The following EVC2 variants were observed in gnomAD, a reference collection of about 807,000 sequenced individuals.
The protein encoded by EVC2 is EvC ciliary complex subunit 2.
In EVC2, 148 loss-of-function variants were observed where a neutral mutation model predicts 149.3. That is an observed-to-expected ratio of 0.99 (90% CI 0.87 to 1.14). The LOEUF is 1.14. Among genes scored for constraint, EVC2 ranks in the 50% most tolerant of loss-of-function variants. The probability of loss-of-function intolerance (pLI) is 0.00; values close to 1 mark genes in which losing one functional copy is unlikely to be tolerated. For synonymous variants in EVC2, 776 were observed against 649.9 expected, an observed-to-expected ratio of 1.19 and a Z score of -2.95; for missense variants, 1,854 against 1,627.3, an observed-to-expected ratio of 1.14 and a Z score of -2.40.
At position 5,580,560 on chromosome 4, in the gene EVC2, T is replaced by G. The variant is rs565244766; in HGVS notation, c.3057+4063A>C. Among the ~76,000 whole-genome samples the G allele has an allele frequency of 3.3e-5, 5 of 152,304 alleles. No individual in the cohort carries two copies. The South Asian group carries it at 1.0e-3, about 32-fold the overall frequency. On this transcript the variant is annotated intron_variant, in intron 17 of 21. Coordinates refer to ENST00000344408, the MANE Select transcript of EVC2 (RefSeq NM_147127.5). ...TGGGCACTTAGGATGAGCAGATGAATCATGCACTGGAGGCTAAATGTTCCT... is the reference window on the plus strand; with the variant it reads ...TGGGCACTTAGGATGAGCAGATGAAGCATGCACTGGAGGCTAAATGTTCCT...
rs1252865581 is a variant in EVC2, at chr4:5,679,152, T to C, written c.870+2108A>G. Among the ~76,000 whole-genome samples, 2 of 151,436 alleles carry C rather than the reference T, an allele frequency of 1.3e-5. No individual in the cohort carries two copies. Among genetic ancestry groups the C allele is most frequent in the African/African-American group, 2.4e-5 (1 of 41,170 alleles). The stretch of plus-strand genomic sequence containing the variant: ...AAGTTGCTCTGGGCCAGTCAGTGAG[T>C]GAGTGGTGAGTGAATGTGAAGGCGT... On this transcript the variant is annotated intron_variant, in intron 7 of 21. Transcript: ENST00000344408. This position sits in a 1 kb window ranked among gnomAD's most constrained non-coding sequence, Gnocchi z 5.1.
At chr4:5,553,019 A>G (rs1420351179) in intron 21 of EVC2, among the ~76,000 whole-genome samples, 1 of 152,136 alleles carries the variant, frequency 6.6e-6, no homozygotes, top group Non-Finnish European at 1.5e-5. Context: ...TGTGATGGAT[A>G]TTGCCGGTAT....
intron 9 of EVC2, among the ~76,000 whole-genome samples, chr4:5,654,970 T>G (rs1198573373): frequency 6.6e-6 from 1 of 152,214 alleles, no homozygotes; most frequent in African/African-American, 2.4e-5. Context: ...TCCCTGCTTT[T>G]CTTGGCTTCC....
chr4:5,537,879 A>G (rs1284254404), downstream of EVC2, among the ~76,000 whole-genome samples: 1 of 152,128 alleles, frequency 6.6e-6, no homozygotes, highest in Non-Finnish European at 1.5e-5. Flanking sequence ...TCAAGAAAAT[A>G]AAAAAAGGAG....
chr4:5,546,856 G>A (rs1721632248), intron 21 of EVC2, among the ~76,000 whole-genome samples: 1 of 152,154 alleles, frequency 6.6e-6, no homozygotes, highest in African/African-American at 2.4e-5. Context: ...CATACTCCAT[G>A]GAGCTGGTGG....
intron 21 of EVC2, among the ~76,000 whole-genome samples, chr4:5,555,922 G>C (rs1159610055): frequency 1.3e-5 from 2 of 152,120 alleles, no homozygotes; most frequent in African/African-American, 2.4e-5. Flanking sequence ...GCTCATTCCT[G>C]TAATCCCAGC....
Position 5,635,616 on chromosome 4 carries a change from G to A in EVC2, c.1471-3584C>T, listed in dbSNP as rs528778318. Among the ~76,000 whole-genome samples the A allele has an allele frequency of 3.9e-5, 6 of 152,320 alleles. No individual in the cohort carries two copies. In the South Asian group the frequency reaches 6.2e-4, roughly 16 times the overall value. Reference sequence around the variant, plus strand: ...AGCATCACAAAGTGAAATCACGCTCGAAAGTGACGACTGTGCTGTCATACT... The same window carrying A: ...AGCATCACAAAGTGAAATCACGCTCAAAAGTGACGACTGTGCTGTCATACT... On this transcript the variant is annotated intron_variant, in intron 10 of 21. Transcript: ENST00000344408.
chr4:5,583,686 C>A lies in EVC2; in HGVS notation c.3057+937G>T, dbSNP rs569269064. ...TAAAAAACTCTACTGCATCTATAGT[C>A]GTGTTGCTTTTTATACTCTTAATAT... On this transcript the variant is annotated intron_variant, in intron 17 of 21. Transcript: ENST00000344408. Among the ~76,000 whole-genome samples the A allele has an allele frequency of 3.3e-5, 5 of 151,898 alleles. No individual in the cohort carries two copies. The South Asian group carries it at 1.0e-3, about 32-fold the overall frequency.
chr4:5,566,193 A>G (rs1722277564), intron 20 of EVC2, among the ~76,000 whole-genome samples: 1 of 152,236 alleles, frequency 6.6e-6, no homozygotes, highest in Admixed American at 6.5e-5. Flanking sequence ...TCCTAGACTG[A>G]AGGAGAGGGC....
intron 16 of EVC2, among the ~76,000 whole-genome samples, chr4:5,590,789 T>C (rs539473471): frequency 2.0e-5 from 3 of 151,518 alleles, no homozygotes; most frequent in Admixed American, 6.6e-5. Context: ...TATGCTGCTA[T>C]AAAGAACTGC....
At chr4:5,578,460 A>G (rs1723064449) in intron 17 of EVC2, among the ~76,000 whole-genome samples, 1 of 152,190 alleles carries the variant, frequency 6.6e-6, no homozygotes, top group Non-Finnish European at 1.5e-5. Flanking sequence ...GTATAAGGTA[A>G]CTGAGGCAAG....
At chr4:5,680,462 C>T (rs4689276) in intron 7 of EVC2, among the ~76,000 whole-genome samples, 127,788 of 152,078 alleles carry the variant, frequency 0.84, 53,870 homozygotes, top group African/African-American at 0.86. Context: ...TGTAATCCTG[C>T]GGGACCACCT....
chr4:5,690,460 T>C (rs1044128252), intron 4 of EVC2, among the ~76,000 whole-genome samples: 1 of 151,646 alleles, frequency 6.6e-6, no homozygotes, highest in Admixed American at 6.6e-5. Flanking sequence ...AGATAGCTGA[T>C]GCCAATGAGT....
At chr4:5,697,847 G>A (rs181538410) in intron 1 of EVC2, among the ~76,000 whole-genome samples, 200 bp from the exon 2 acceptor site, 13 of 151,396 alleles carry the variant, frequency 8.6e-5, no homozygotes, top group African/African-American at 1.9e-4. Flanking sequence ...CTAGGTTCAC[G>A]CCATTCTCCT....
chr4:5,565,989 C>T (rs1281661172), intron 20 of EVC2, among the ~76,000 whole-genome samples: 1 of 152,212 alleles, frequency 6.6e-6, no homozygotes, highest in Non-Finnish European at 1.5e-5. Context: ...GGCTGCCTCC[C>T]CCACTGGGAT....
chr4:5,673,246 G>A (rs182376315), intron 7 of EVC2, among the ~76,000 whole-genome samples: 5 of 152,352 alleles, frequency 3.3e-5, no homozygotes, highest in Admixed American at 3.3e-4. Context: ...GAAGGGCACA[G>A]ATCAGGAGAC....
chr4:5,598,139 C>T (rs1305135566), intron 16 of EVC2, among the ~76,000 whole-genome samples: 3 of 151,546 alleles, frequency 2.0e-5, no homozygotes, highest in East Asian at 1.9e-4. Flanking sequence ...AATGGCCATA[C>T]TGCCCAAGGT....
intron 9 of EVC2, among the ~76,000 whole-genome samples, chr4:5,656,306 G>A (rs748506959): frequency 5.3e-5 from 8 of 151,978 alleles, no homozygotes; most frequent in Admixed American, 3.9e-4. Flanking sequence ...ACACCCCATC[G>A]AGTCCTCTAA....
chr4:5,593,610 C>A (rs1237251871), intron 16 of EVC2, among the ~76,000 whole-genome samples: 1 of 152,204 alleles, frequency 6.6e-6, no homozygotes, highest in Admixed American at 6.5e-5. Flanking sequence ...CGAATAGGAA[C>A]AGCTCCGGTC....
Sources: gnomAD v4.1 joint callset for allele counts (sites outside exome capture counted in the v4.1 genomes callset) on GRCh38, gnomAD v4.1.1 for gene constraint, Gnocchi (gnomAD v3.1) non-coding constraint, MANE v1.5 for transcripts, NCBI Gene and HGNC (gene_info 2026-07-23, HGNC 2026-07-21) for gene names.